Variants in GABRR1 observed in about 807,000 individuals in gnomAD.
GABRR1 encodes the protein gamma-aminobutyric acid receptor subunit rho-1.
A neutral mutation model predicts 55.5 loss-of-function variants in GABRR1; 59 were observed. The ratio of observed to expected loss-of-function variants is 1.06; its 90% CI spans 0.86 to 1.32. The LOEUF is 1.32. GABRR1 is among the 40% of genes most tolerant of loss of function. The pLI is 0.00. For missense variants in GABRR1, 602 were observed against 619.1 expected (o/e 0.97, Z 0.29); for synonymous variants, 213 against 226.0 (o/e 0.94, Z 0.51).
intron 4 of GABRR1, among the ~76,000 whole-genome samples, chr6:89,198,743 T>C (rs1175829743): frequency 1.3e-5 from 2 of 152,132 alleles, no homozygotes; most frequent in East Asian, 1.9e-4. Context: ...CCACAGTAAC[T>C]GGTTTGATAG....
At position 89,199,421 on chromosome 6, in the gene GABRR1, TGGCAG is replaced by T. The variant is rs770067646; in HGVS notation, c.284_288del (p.Pro95HisfsTer14). ...ACCTGCACATCCACACCAACAGGAATGGCAGGGCCTGGGGACAGAGCATGGCAAGA... is the reference window on the plus strand; with the variant it reads ...ACCTGCACATCCACACCAACAGGAATGGCCTGGGGACAGAGCATGGCAAGA... On this transcript the variant is annotated frameshift_variant, in exon 4 of 10. Transcript: ENST00000454853. LOFTEE classifies it high-confidence loss of function. The T allele has an allele frequency of 6.2e-7, 1 of 1,613,998 alleles. No individual in the cohort carries two copies. Among genetic ancestry groups the T allele is most frequent in the Admixed American group, 1.7e-5 (1 of 60,020 alleles).
rs571766840 is a variant in GABRR1 at position 89,205,895 on chromosome 6, C to T, written c.123-2410G>A. 4.9e-4 allele frequency among the ~76,000 whole-genome samples: 74 copies of T among 151,536 alleles called. 4 individuals are homozygous for T. The South Asian group carries it at 6.1e-3, about 12-fold the overall frequency. ...TGTTGTCCTTGGCACCTCCACCCCC[C>T]GCCCCCCCATCTCTCACATCCTCTT... On this transcript the variant is annotated intron_variant, in intron 1 of 9. Transcript: ENST00000454853.
Position 89,185,394 on chromosome 6 carries a change from T to A in GABRR1, c.712A>T (p.Lys238Ter). 6.2e-7 allele frequency: 1 copy of A among 1,613,782 alleles called. No homozygotes were observed. Among genetic ancestry groups the A allele is most frequent in the Non-Finnish European group, 8.5e-7 (1 of 1,179,744 alleles). Residue 238 changes from lysine (K) to a stop codon, truncating the protein, a stop_gained, in exon 7 of 10, where the codon AAG becomes TAG. Coordinates refer to ENST00000454853, the MANE Select transcript of GABRR1 (RefSeq NM_002042.5). LOFTEE classifies it high-confidence loss of function. ...GAGAGTGAGATCCGTTCATCTGTCT[T>A]TAAGGAGTCATTGCCCTTTTTCCAG... ...LYWKKGNDSL[K>*]TDERISLSQF...
At chr6:89,187,432 C>T (rs1771940250) in intron 6 of GABRR1, among the ~76,000 whole-genome samples, 2 of 152,126 alleles carry the variant, frequency 1.3e-5, no homozygotes, top group African/African-American at 2.4e-5. Context: ...TTCTCCCATT[C>T]GTGGGTTGCA....
At chr6:89,180,250 G>A in intron 9 of GABRR1, 42 bp downstream of exon 9, 8 of 1,591,190 alleles carry the variant, frequency 5.0e-6, no homozygotes, top group Non-Finnish European at 6.8e-6. Flanking sequence ...GCTAGATCAG[G>A]TTCCATCCTG....
intron 1 of GABRR1, among the ~76,000 whole-genome samples, chr6:89,224,528 T>C (rs1773166580): frequency 6.6e-6 from 1 of 152,228 alleles, no homozygotes; most frequent in African/African-American, 2.4e-5. Flanking sequence ...GGAATTTTTT[T>C]CTCCTGTAAT....
upstream of GABRR1, among the ~76,000 whole-genome samples, chr6:89,221,959 G>A (rs994959689): frequency 6.6e-6 from 1 of 152,206 alleles, no homozygotes; most frequent in Non-Finnish European, 1.5e-5. Flanking sequence ...CAGCTTAGAG[G>A]TGAGTGGTCC....
chr6:89,194,393 G>A (rs1385615482), intron 5 of GABRR1, among the ~76,000 whole-genome samples: 6 of 152,072 alleles, frequency 3.9e-5, no homozygotes, highest in South Asian at 4.1e-4. Flanking sequence ...GCAACCTAGC[G>A]ACAGATTCAC....
At chr6:89,212,745 T>C (rs1314515100) in intron 1 of GABRR1, among the ~76,000 whole-genome samples, 1 of 152,144 alleles carries the variant, frequency 6.6e-6, no homozygotes, top group African/African-American at 2.4e-5. Flanking sequence ...CACGGCTCAC[T>C]GCAGCCTTGA....
upstream of GABRR1, among the ~76,000 whole-genome samples, chr6:89,219,160 G>A (rs1293410899): frequency 6.6e-6 from 1 of 152,118 alleles, no homozygotes; most frequent in African/African-American, 2.4e-5. Context: ...CAGCTACTTG[G>A]GAGGCTGAGA....
At chr6:89,229,249 T>G (rs1278172204) in intron 1 of GABRR1, among the ~76,000 whole-genome samples, 1 of 152,150 alleles carries the variant, frequency 6.6e-6, no homozygotes, top group Non-Finnish European at 1.5e-5. Context: ...ATTGGAGCAT[T>G]TAGGCCATTT....
rs1278816953 is a variant in GABRR1, at chr6:89,178,527, C to T, written c.*243G>A. On this transcript the variant is annotated 3_prime_UTR_variant, in exon 10 of 10. Transcript: ENST00000454853. ...TCTGGGTAACAACTAACATCAGTCGCTACAGTGTCGTATTTCCTGCAGCAC... is the reference window on the plus strand; with the variant it reads ...TCTGGGTAACAACTAACATCAGTCGTTACAGTGTCGTATTTCCTGCAGCAC... 3.9e-6 allele frequency: 2 copies of T among 513,962 alleles called. No homozygotes were observed. Among genetic ancestry groups the T allele is most frequent in the African/African-American group, 1.9e-5 (1 of 52,094 alleles). The allele number at this position is 513,962 out of a possible 1,614,324, so 31.8% of individuals were successfully genotyped here.
At chr6:89,183,110 A>G (rs1771779803) in intron 7 of GABRR1, among the ~76,000 whole-genome samples, 1 of 148,752 alleles carries the variant, frequency 6.7e-6, no homozygotes, top group East Asian at 2.0e-4. Flanking sequence ...AGGAAAACAT[A>G]TGCATGGAGG....
chr6:89,223,543 C>A (rs1773145364), intron 1 of GABRR1, among the ~76,000 whole-genome samples: 1 of 152,134 alleles, frequency 6.6e-6, no homozygotes, highest in Non-Finnish European at 1.5e-5. Context: ...TTAATGACTT[C>A]TTTTCCTCTG....
rs1292596240 is a variant in GABRR1 at position 89,217,274 on chromosome 6, C to G, written c.49G>C (p.Gly17Arg). 1.2e-6 allele frequency: 2 copies of G among 1,613,938 alleles called. No homozygotes were observed. Among genetic ancestry groups the G allele is most frequent in the Non-Finnish European group, 1.7e-6 (2 of 1,179,982 alleles). The change falls in exon 1 of 10, where the codon GGA becomes CGA. Residue 17 changes from glycine to arginine, a missense_variant. Transcript: ENST00000454853. The part of the protein sequence containing the change: ...MRFGIFLLWW[G>R]WVLATESRMH... ...CTGCTTTCAGTGGCCAAAACCCATCCCCACCACAAAAGAAAGATGCCAAAT... is the reference window on the plus strand; with the variant it reads ...CTGCTTTCAGTGGCCAAAACCCATCGCCACCACAAAAGAAAGATGCCAAAT...
At chr6:89,206,874 TCA>T (rs771810543) in intron 1 of GABRR1, among the ~76,000 whole-genome samples, 7 of 152,148 alleles carry the variant, frequency 4.6e-5, no homozygotes, top group Non-Finnish European at 1.0e-4. Flanking sequence ...CGCTTCAAAC[TCA>T]CACAGTGTTG....
At chr6:89,199,340 C>T in intron 4 of GABRR1, 22 bp downstream of exon 4, 1 of 1,611,516 alleles carries the variant, frequency 6.2e-7, no homozygotes, top group South Asian at 1.1e-5. Context: ...CCTGCCACGG[C>T]CCTGGTCAGA....
chr6:89,224,983 A>G (rs1424186211), intron 1 of GABRR1, among the ~76,000 whole-genome samples: 8 of 152,132 alleles, frequency 5.3e-5, no homozygotes, highest in Admixed American at 1.3e-4. Context: ...GAGTTTCACC[A>G]TGTCGGCCAG....
At chr6:89,186,562 A>G (rs971412435) in intron 6 of GABRR1, among the ~76,000 whole-genome samples, 3 of 152,218 alleles carry the variant, frequency 2.0e-5, no homozygotes, top group Non-Finnish European at 4.4e-5. Flanking sequence ...TCTACTCTGT[A>G]TGTCCTACTG....
Sources: allele counts gnomAD v4.1 joint callset (sites outside exome capture counted in the v4.1 genomes callset), GRCh38; gene constraint gnomAD v4.1.1; transcripts MANE v1.5; gene names NCBI Gene and HGNC (gene_info 2026-07-23, HGNC 2026-07-21).